OVCH1: variants seen among roughly 807,000 people sequenced by gnomAD.
The protein encoded by OVCH1 is ovochymase 1, also known as ovochymase-1.
Under a neutral mutation model 138.4 loss-of-function variants are expected in OVCH1, and 139 were observed. The ratio of observed to expected loss-of-function variants is 1.00; its 90% CI spans 0.87 to 1.16. The LOEUF (loss-of-function observed/expected upper bound fraction) is 1.16. OVCH1 is among the 50% of genes most tolerant of loss of function. OVCH1 has a pLI of 0.00. For synonymous variants in OVCH1, 453 were observed against 467.8 expected, an observed-to-expected ratio of 0.97 and a Z score of 0.41; for missense variants, 1,367 against 1,357.9, an observed-to-expected ratio of 1.01 and a Z score of -0.11.
intron 27 of OVCH1, among the ~76,000 whole-genome samples, chr12:29,428,056 T>G (rs529971923): frequency 6.6e-6 from 1 of 152,288 alleles, no homozygotes; most frequent in African/African-American, 2.4e-5. Flanking sequence ...CTGGACCATG[T>G]TATTTTCCTG....
intron 14 of OVCH1, among the ~76,000 whole-genome samples, chr12:29,474,110 TA>T (rs766608106): frequency 0.042 from 6,039 of 143,174 alleles, 160 homozygotes; most frequent in East Asian, 0.063. Flanking sequence ...CACACATATA[TA>T]TATCTGTCCC....
the OVCH1 span, among the ~76,000 whole-genome samples, chr12:29,402,233 A>G: frequency 6.6e-6 from 1 of 152,106 alleles, no homozygotes; most frequent in African/African-American, 2.4e-5. Context: ...GAGATCCACA[A>G]AAGACAAAGT....
At chr12:29,421,152 A>T (rs1402853403) in intron 3 of OVCH1, among the ~76,000 whole-genome samples, 1 of 152,226 alleles carries the variant, frequency 6.6e-6, no homozygotes, top group Non-Finnish European at 1.5e-5. Flanking sequence ...GACATTGCAG[A>T]TGCAGCACAG....
At chr12:29,489,751 G>A in exon 6 of OVCH1, 2 of 1,610,682 alleles carry the variant, frequency 1.2e-6, no homozygotes, top group Non-Finnish European at 1.7e-6. Context: ...ATTTCTTGTA[G>A]GACATTTGAA....
chr12:29,444,211 T>G, exon 24 of OVCH1: 2 of 1,612,506 alleles, frequency 1.2e-6, no homozygotes, highest in South Asian at 2.2e-5. Flanking sequence ...CAGAAGAACA[T>G]CCTCACAAGG....
chr12:29,474,343 C>G (rs190368582), intron 14 of OVCH1, among the ~76,000 whole-genome samples: 1 of 152,094 alleles, frequency 6.6e-6, no homozygotes, highest in Non-Finnish European at 1.5e-5. Context: ...TCTTTGGGAA[C>G]GTTACTTAAC....
intron 4 of OVCH1, among the ~76,000 whole-genome samples, chr12:29,491,527 C>T (rs1055837463): frequency 1.3e-5 from 2 of 152,140 alleles, no homozygotes; most frequent in Non-Finnish European, 2.9e-5. Context: ...ATTAGCCAGG[C>T]CACTGCCTTT....
intron 21 of OVCH1, among the ~76,000 whole-genome samples, chr12:29,451,852 CCAG>C (rs1941805754): frequency 1.3e-5 from 2 of 151,946 alleles, no homozygotes; most frequent in South Asian, 4.2e-4. Flanking sequence ...TTCTCTATAC[CCAG>C]CAGATTTTCA....
At chr12:29,472,125 G>GA in intron 15 of OVCH1, 143 bp from the exon 16 acceptor site, 6 of 958,606 alleles carry the variant, frequency 6.3e-6, no homozygotes, top group Non-Finnish European at 8.7e-6. Context: ...ACTCACCTCT[G>GA]AAAAATCTGA....
chr12:29,461,543 T>C (rs1592068821), intron 19 of OVCH1, among the ~76,000 whole-genome samples: 1 of 152,176 alleles, frequency 6.6e-6, no homozygotes, highest in East Asian at 1.9e-4. Context: ...CAAAGCCTTA[T>C]TTGTACCTGA....
chr12:29,458,043 C>T (rs1208744363), intron 19 of OVCH1, among the ~76,000 whole-genome samples: 1 of 152,000 alleles, frequency 6.6e-6, no homozygotes, highest in East Asian at 1.9e-4. Context: ...TGGCTGAGGA[C>T]ATATATTATT....
chr12:29,413,341 T>G (rs1385246718), intron 3 of OVCH1, among the ~76,000 whole-genome samples: 2 of 152,122 alleles, frequency 1.3e-5, no homozygotes, highest in Non-Finnish European at 2.9e-5. Flanking sequence ...TCCATAATCA[T>G]TTTTTAAAAA....
exon 13 of OVCH1, chr12:29,476,276 G>T: frequency 6.2e-7 from 1 of 1,613,340 alleles, no homozygotes; most frequent in Non-Finnish European, 8.5e-7. Context: ...GACTAAATTT[G>T]ACAGCAAAGT....
intron 27 of OVCH1, among the ~76,000 whole-genome samples, chr12:29,432,273 T>C (rs1941283025): frequency 6.6e-6 from 1 of 152,226 alleles, no homozygotes; most frequent in Non-Finnish European, 1.5e-5. Context: ...ATGATCACTT[T>C]GGCTATTACA....
intron 15 of OVCH1, among the ~76,000 whole-genome samples, chr12:29,472,339 A>T (rs1182680646): frequency 1.3e-5 from 2 of 152,146 alleles, no homozygotes; most frequent in African/African-American, 2.4e-5. Flanking sequence ...TAGTAGGAAA[A>T]TTTCAAGTTT....
chr12:29,405,876 G>A, the OVCH1 span, among the ~76,000 whole-genome samples: 1 of 152,146 alleles, frequency 6.6e-6, no homozygotes, highest in South Asian at 2.1e-4. Context: ...GGTTGACAAT[G>A]GAAACGACAT....
intron 16 of OVCH1, among the ~76,000 whole-genome samples, chr12:29,465,845 C>T (rs575003277): frequency 6.6e-6 from 1 of 151,934 alleles, no homozygotes; most frequent in South Asian, 2.1e-4. Context: ...TTGGAACCAA[C>T]CCAAACATCC....
intron 27 of OVCH1, among the ~76,000 whole-genome samples, chr12:29,430,474 A>C (rs1320331800): frequency 6.6e-6 from 1 of 152,186 alleles, no homozygotes; most frequent in Non-Finnish European, 1.5e-5. Flanking sequence ...CTCCTTGGCC[A>C]GGTCTTGCTA....
intron 26 of OVCH1, among the ~76,000 whole-genome samples, chr12:29,436,229 A>G (rs576520988): frequency 6.6e-6 from 1 of 152,162 alleles, no homozygotes; most frequent in East Asian, 1.9e-4. Context: ...GTGTGTTAAC[A>G]TCTCTGCACA....
Sources: gnomAD v4.1 joint callset for allele counts (sites outside exome capture counted in the v4.1 genomes callset) on GRCh38, gnomAD v4.1.1 for gene constraint, MANE v1.5 for transcripts, NCBI Gene and HGNC (gene_info 2026-07-23, HGNC 2026-07-21) for gene names.